SDAD1: variants seen among roughly 807,000 people sequenced by gnomAD.
The protein encoded by SDAD1 is protein SDA1 homolog.
Under a neutral mutation model 100.3 loss-of-function variants are expected in SDAD1, and 79 were observed. The observed-to-expected ratio is 0.79, with a 90% CI of 0.66 to 0.95. The LOEUF (loss-of-function observed/expected upper bound fraction) is 0.95, where lower values mean the gene tolerates loss of function less well. Ranked by LOEUF, SDAD1 falls within the 40% of genes least tolerant of loss-of-function variation. SDAD1 has a pLI of 0.00. For synonymous variants in SDAD1, 267 were observed against 271.4 expected (o/e 0.98, Z 0.16); for missense variants, 790 against 810.9 (o/e 0.97, Z 0.31).
rs924313676 is a variant in SDAD1, at chr4:75,967,181, A to T, written c.1045+96T>A. On this transcript the variant is annotated intron_variant, in intron 12 of 21. Transcript: ENST00000356260. ...TCTTCACATCTCTAATGTAGAGCAC[A>T]CTGCACTCCTGTCTTTAGTGATTCC... The T allele has an allele frequency of 3.5e-6, 4 of 1,136,890 alleles. No homozygotes were observed. The African/African-American group carries it at 6.1e-5, about 17-fold the overall frequency. The allele number at this position is 1,136,890 out of a possible 1,614,324, so 70.4% of individuals were successfully genotyped here. A position where few individuals can be genotyped will look rare whatever the true frequency, so the allele number is the denominator to read the frequency against.
At position 75,956,072 on chromosome 4, in the gene SDAD1, G is replaced by A. The variant is rs769871264; in HGVS notation, c.1919C>T (p.Ser640Leu). The A allele has an allele frequency of 2.4e-5, 38 of 1,612,718 alleles. No individual in the cohort carries two copies. The Admixed American group carries it at 2.8e-4, about 12-fold the overall frequency. Residue 640 changes from serine (S) to leucine (L), a missense_variant, in exon 21 of 22, where the codon TCG (serine) becomes TTG (leucine). Ser to Leu is a moderately radical substitution (Grantham distance 145). Transcript: ENST00000356260. ...KKTKTNPFSSSTNKEKKKQKN... is the reference protein window; with the variant it reads ...KKTKTNPFSSLTNKEKKKQKN... ...CTGTTTTTTCTTCTCTTTATTTGTC[G>A]AACTGGAAAATGGATTTGTTTTGGT...
At chr4:75,952,684 T>C (rs764128597) in intron 21 of SDAD1, among the ~76,000 whole-genome samples, 2 of 152,150 alleles carry the variant, frequency 1.3e-5, no homozygotes, top group African/African-American at 4.8e-5. Flanking sequence ...CAGGGCAGTT[T>C]TGGGGATGCT....
At chr4:75,977,198 G>C (rs1359477265) in intron 4 of SDAD1, among the ~76,000 whole-genome samples, 1 of 152,148 alleles carries the variant, frequency 6.6e-6, no homozygotes, top group Non-Finnish European at 1.5e-5. Flanking sequence ...GTTTTTTGTG[G>C]GGGAGTGGGT....
rs1457316955 is a variant in SDAD1, at chr4:75,974,218, T to A, written c.579-85A>T. On this transcript the variant is annotated intron_variant, in intron 6 of 21. Coordinates refer to ENST00000356260, the MANE Select transcript of SDAD1 (RefSeq NM_018115.4). ...AGACAATGGCACAAAATAAATGATA[T>A]AACAAATGTTTGTGACGTACTAGAA... The A allele has an allele frequency of 1.9e-5, 21 of 1,109,002 alleles. No individual in the cohort carries two copies. The East Asian group carries it at 4.8e-4, about 25-fold the overall frequency. 68.7% of individuals were successfully genotyped at this position (1,109,002 alleles called of 1,614,324 possible).
At position 75,965,835 on chromosome 4, in the gene SDAD1, GA is replaced by G. The variant is rs1465082761; in HGVS notation, c.1046-14del. 1.9e-6 allele frequency: 3 copies of G among 1,612,370 alleles called. No homozygotes were observed. The highest frequency in any genetic ancestry group is 2.5e-6 in the Non-Finnish European group (3 of 1,178,870). On this transcript the variant is annotated splice_polypyrimidine_tract_variant and intron_variant, in intron 12 of 21. Coordinates refer to ENST00000356260, the MANE Select transcript of SDAD1 (RefSeq NM_018115.4). ...ATCTTGGTTACTTCTGAAAACATAA[GA>G]GAACAGAAAGGTCATGGTCAGTGTA...
chr4:75,952,988 A>C (rs1009387628), intron 21 of SDAD1, among the ~76,000 whole-genome samples: 1 of 152,164 alleles, frequency 6.6e-6, no homozygotes, highest in East Asian at 1.9e-4. Context: ...TTTCTATTGA[A>C]CAGTACTGGT....
intron 6 of SDAD1, among the ~76,000 whole-genome samples, chr4:75,975,447 A>G (rs2149323804): frequency 6.6e-6 from 1 of 152,342 alleles, no homozygotes; most frequent in Non-Finnish European, 1.5e-5. Context: ...TACTAACTCT[A>G]AGAACTTCCA....
intron 7 of SDAD1, 122 bp downstream of exon 7, chr4:75,973,954 A>T (rs555166919): frequency 1.5e-5 from 11 of 725,232 alleles, no homozygotes; most frequent in South Asian, 1.1e-4. Flanking sequence ...AGTGATGCTT[A>T]CTTCTAACTG....
Position 75,965,767 on chromosome 4 carries a change from T to C in SDAD1, c.1101A>G (p.Pro367=). The part of the protein sequence containing the change: ...AAQASHHLVP[P]EIIQSLLMTV... ...AAGTCAGGTTACAGGTTCTCACCTC[T>C]GGGGGTACTAGGTGATGAGATGCTT... The change falls in exon 13 of 22, where the codon CCA becomes CCG. Residue 367 remains proline, a synonymous_variant. Transcript: ENST00000356260. 6.2e-7 allele frequency: 1 copy of C among 1,613,142 alleles called. No homozygotes were observed. Among genetic ancestry groups the C allele is most frequent in the South Asian group, 1.1e-5 (1 of 91,042 alleles).
rs1578137895 is a variant in SDAD1, at chr4:75,975,681, C to T, written c.578+63G>A. 7 of 1,080,814 alleles carry T rather than the reference C, an allele frequency of 6.5e-6. No individual in the cohort carries two copies. The East Asian group carries it at 1.2e-4, about 18-fold the overall frequency. The allele number at this position is 1,080,814 out of a possible 1,614,324, so 67.0% of individuals were successfully genotyped here. On this transcript the variant is annotated intron_variant, in intron 6 of 21. Coordinates refer to ENST00000356260, the MANE Select transcript of SDAD1 (RefSeq NM_018115.4). ...CTCAAGAAAAGTATTTGTATATGTG[C>T]TCTGTATTAATTACAAATGAAAAAA...
chr4:75,987,291 C>A (rs866055299), intron 1 of SDAD1, among the ~76,000 whole-genome samples: 1 of 152,146 alleles, frequency 6.6e-6, no homozygotes, highest in African/African-American at 2.4e-5. Flanking sequence ...ATTTCCTATA[C>A]CCCTTACCCT....
intron 4 of SDAD1, among the ~76,000 whole-genome samples, chr4:75,977,271 G>T (rs1730206888): frequency 6.6e-6 from 1 of 152,214 alleles, no homozygotes; most frequent in Non-Finnish European, 1.5e-5. Flanking sequence ...GTAGTAAAAG[G>T]CTTGGGTTCT....
intron 9 of SDAD1, 55 bp downstream of exon 9, chr4:75,971,301 AC>A (rs1729851062): frequency 8.3e-7 from 1 of 1,206,562 alleles, no homozygotes; most frequent in Non-Finnish European, 1.2e-6. Flanking sequence ...CTGGCTAACG[AC>A]AACATATTCT....
chr4:75,990,719 C>G (rs771287333), intron 1 of SDAD1, 33 bp downstream of exon 1: 3 of 1,612,898 alleles, frequency 1.9e-6, no homozygotes, highest in Admixed American at 1.7e-5. Flanking sequence ...ATCCACTATC[C>G]GGCCTCTAGC....
chr4:75,986,250 CT>C (rs1489140969), intron 1 of SDAD1, among the ~76,000 whole-genome samples: 2 of 152,272 alleles, frequency 1.3e-5, no homozygotes, highest in East Asian at 3.9e-4. Context: ...TCCCAATTAG[CT>C]GGGACTATAG....
intron 21 of SDAD1, among the ~76,000 whole-genome samples, chr4:75,954,040 T>G (rs372914043): frequency 6.6e-6 from 1 of 152,122 alleles, no homozygotes; most frequent in Non-Finnish European, 1.5e-5. Context: ...TTTCTGAAAC[T>G]GTTTCTGAGA....
intron 21 of SDAD1, among the ~76,000 whole-genome samples, chr4:75,952,975 A>G (rs1728697728): frequency 6.6e-6 from 1 of 152,190 alleles, no homozygotes; most frequent in African/African-American, 2.4e-5. Flanking sequence ...GGTTCATATT[A>G]TATTTCTATT....
chr4:75,958,645 GTCTT>G (rs1729043115), intron 17 of SDAD1, among the ~76,000 whole-genome samples: 1 of 152,142 alleles, frequency 6.6e-6, no homozygotes. Context: ...CAAGCCTCCT[GTCTT>G]TCTATGTTCC....
chr4:75,959,685 C>T (rs993996532), intron 17 of SDAD1, among the ~76,000 whole-genome samples: 2 of 152,100 alleles, frequency 1.3e-5, no homozygotes, highest in Admixed American at 6.6e-5. Flanking sequence ...TGGAGTTCCT[C>T]GAGTATTTGC....
Sources: gnomAD v4.1 joint callset for allele counts (sites outside exome capture counted in the v4.1 genomes callset) on GRCh38, gnomAD v4.1.1 for gene constraint, MANE v1.5 for transcripts, NCBI Gene and HGNC (gene_info 2026-07-23, HGNC 2026-07-21) for gene names.